DLG2: variants seen among roughly 807,000 people sequenced by gnomAD.
DLG2 encodes disks large homolog 2.
A neutral mutation model predicts 132.5 loss-of-function variants in DLG2; 45 were observed. The observed-to-expected ratio is 0.34, with a 90% confidence interval of 0.27 to 0.44. The LOEUF is 0.44. Among genes scored for constraint, DLG2 ranks in the 20% least tolerant of loss-of-function variants. DLG2 has a pLI of 1.00. For missense variants in DLG2, 1,045 were observed against 1,196.9 expected (o/e 0.87, Z 1.87); for synonymous variants, 424 against 419.6 (o/e 1.01, Z -0.13).
chr11:84,361,562 G>C (rs1278835983), intron 7 of DLG2, among the ~76,000 whole-genome samples: 2 of 151,914 alleles, frequency 1.3e-5, no homozygotes, highest in African/African-American at 4.8e-5. Flanking sequence ...GAAGATTTGT[G>C]GGCAAAGAAA....
chr11:83,516,143 T>G (rs1052545775), intron 21 of DLG2, among the ~76,000 whole-genome samples: 1 of 152,228 alleles, frequency 6.6e-6, no homozygotes, highest in East Asian at 1.9e-4. Flanking sequence ...TCTTCCATTA[T>G]TATTCTGTGG....
At chr11:84,141,960 G>T (rs2094868042) in intron 9 of DLG2, among the ~76,000 whole-genome samples, 1 of 151,862 alleles carries the variant, frequency 6.6e-6, no homozygotes. Context: ...GGTTATTTTT[G>T]CTGTACCCCA....
At chr11:84,579,731 AG>A (rs1426748690) in intron 6 of DLG2, among the ~76,000 whole-genome samples, 12 of 152,236 alleles carry the variant, frequency 7.9e-5, no homozygotes, top group Non-Finnish European at 1.5e-4. Context: ...GCCATAAACT[AG>A]GGAAGTATGC....
At chr11:84,875,608 A>G (rs1466766221) in intron 6 of DLG2, among the ~76,000 whole-genome samples, 1 of 152,106 alleles carries the variant, frequency 6.6e-6, no homozygotes, top group African/African-American at 2.4e-5. Flanking sequence ...AATTCACTTT[A>G]GGTTTTTTGC....
intron 7 of DLG2, among the ~76,000 whole-genome samples, chr11:84,473,399 G>T (rs1235927488): frequency 6.6e-6 from 1 of 152,010 alleles, no homozygotes; most frequent in Admixed American, 6.6e-5. Context: ...TTGGAGGGAA[G>T]TGTGCAGGTG....
At chr11:84,572,330 T>C (rs2099487334) in intron 6 of DLG2, among the ~76,000 whole-genome samples, 1 of 152,106 alleles carries the variant, frequency 6.6e-6, no homozygotes, top group African/African-American at 2.4e-5. Context: ...ATGACTTGCT[T>C]TGGCCAATGG....
At chr11:84,714,263 T>C (rs1298724601) in intron 6 of DLG2, among the ~76,000 whole-genome samples, 1 of 151,902 alleles carries the variant, frequency 6.6e-6, no homozygotes, top group Non-Finnish European at 1.5e-5. Flanking sequence ...TGACAAAAAA[T>C]ATGCATAATG....
chr11:83,794,791 C>T (rs1324219323), intron 17 of DLG2, among the ~76,000 whole-genome samples: 2 of 152,052 alleles, frequency 1.3e-5, no homozygotes, highest in African/African-American at 4.8e-5. Context: ...AATAATGTAA[C>T]TAATACTCCT....
At chr11:85,518,439 T>G (rs938148830) in intron 3 of DLG2, among the ~76,000 whole-genome samples, 2 of 152,172 alleles carry the variant, frequency 1.3e-5, no homozygotes, top group Non-Finnish European at 2.9e-5. Context: ...ACTAGAGATT[T>G]GTAGAACTTT....
intron 18 of DLG2, among the ~76,000 whole-genome samples, chr11:83,756,272 GAA>G (rs1374550515): frequency 1.3e-5 from 2 of 151,354 alleles, no homozygotes; most frequent in Admixed American, 6.6e-5. Flanking sequence ...GTTTAATTCT[GAA>G]GTGTGAACTT....
chr11:83,478,852 T>C (rs2092846020), intron 22 of DLG2, among the ~76,000 whole-genome samples: 1 of 152,012 alleles, frequency 6.6e-6, no homozygotes, highest in Admixed American at 6.6e-5. Context: ...ACGTACTAAA[T>C]TGAGGGCAGC....
intron 16 of DLG2, among the ~76,000 whole-genome samples, chr11:83,843,306 C>T (rs2058004239): frequency 6.6e-6 from 1 of 152,184 alleles, no homozygotes; most frequent in African/African-American, 2.4e-5. Flanking sequence ...TCTCATCTAT[C>T]TAACGAGGTC....
chr11:85,298,661 AATACCAATATTGGTAAT>A (rs2079393966), intron 3 of DLG2, among the ~76,000 whole-genome samples: 1 of 152,192 alleles, frequency 6.6e-6, no homozygotes, highest in African/African-American at 2.4e-5. Context: ...ATTTCCCATT[AATACCAATATTGGTAAT>A]ATTGGTATTA....
intron 23 of DLG2, among the ~76,000 whole-genome samples, chr11:83,472,078 T>C (rs2092105541): frequency 6.6e-6 from 1 of 152,180 alleles, no homozygotes; most frequent in Admixed American, 6.6e-5. Context: ...ACCAGCTGTT[T>C]GGCTATTGTT....
chr11:85,449,362 T>C (rs889447520), intron 3 of DLG2, among the ~76,000 whole-genome samples: 1 of 152,038 alleles, frequency 6.6e-6, no homozygotes, highest in African/African-American at 2.4e-5. Context: ...TTCACCTCTT[T>C]GTGATAATTT....
rs183184624 is a variant in DLG2 at position 83,952,405 on chromosome 11, G to A, written c.1340+10480C>T. Among the ~76,000 whole-genome samples the A allele has an allele frequency of 2.1e-3, 319 of 152,216 alleles. 1 individual carries two copies. The highest frequency in any genetic ancestry group is 7.4e-3 in the African/African-American group (307 of 41,518). ...CTGGGAATAAAAAGCAAGAGTTTGTGTTTGGACATATTAAATATGCAATGT... is the reference window on the plus strand; with the variant it reads ...CTGGGAATAAAAAGCAAGAGTTTGTATTTGGACATATTAAATATGCAATGT... On this transcript the variant is annotated intron_variant, in intron 14 of 27. Transcript: ENST00000376104.
intron 16 of DLG2, among the ~76,000 whole-genome samples, chr11:83,844,383 GA>G (rs111612093): frequency 0.74 from 104,605 of 141,054 alleles, 38,598 homozygotes; most frequent in Middle Eastern, 0.84. Context: ...CATCTCTATT[GA>G]AAAAAAAAAA....
chr11:83,716,640 T>C (rs1051482495), intron 18 of DLG2, among the ~76,000 whole-genome samples: 4 of 152,204 alleles, frequency 2.6e-5, no homozygotes, highest in African/African-American at 7.2e-5. Flanking sequence ...ATTTTGCAGA[T>C]AGAAACCAAA....
intron 6 of DLG2, among the ~76,000 whole-genome samples, chr11:84,728,644 G>A (rs564508025): frequency 3.9e-5 from 6 of 152,094 alleles, no homozygotes; most frequent in Non-Finnish European, 7.4e-5. Context: ...TCTATTGTTT[G>A]GAATAGTTTC....
Sources: allele counts gnomAD v4.1 joint callset (sites outside exome capture counted in the v4.1 genomes callset), GRCh38; gene constraint gnomAD v4.1.1; transcripts MANE v1.5; gene names NCBI Gene and HGNC (gene_info 2026-07-23, HGNC 2026-07-21).